Variants in RMC1 observed in about 807,000 individuals in gnomAD.
The protein encoded by RMC1 is regulator of MON1-CCZ1, also known as regulator of MON1-CCZ1 complex.
In RMC1, 44 loss-of-function variants were observed where a neutral mutation model predicts 95.5. The observed-to-expected ratio is 0.46, with a 90% CI of 0.36 to 0.59. The LOEUF (loss-of-function observed/expected upper bound fraction) is 0.59, where lower values mean the gene tolerates loss of function less well. Ranked by LOEUF, RMC1 falls within the 20% of genes least tolerant of loss-of-function variation. The pLI is 0.00. For synonymous variants in RMC1, 320 were observed against 303.6 expected (o/e 1.05, Z -0.56); for missense variants, 705 against 819.6 (o/e 0.86, Z 1.71).
intron 12 of RMC1, 102 bp from the exon 13 acceptor site, chr18:23,526,535 T>C (rs1877223057): frequency 7.0e-7 from 1 of 1,437,826 alleles, no homozygotes; most frequent in Non-Finnish European, 9.4e-7. Flanking sequence ...CGGCTTTTTA[T>C]CACCACCTGC....
chr18:23,514,389 C>G (rs769412810), intron 5 of RMC1, among the ~76,000 whole-genome samples: 1 of 152,056 alleles, frequency 6.6e-6, no homozygotes, highest in Non-Finnish European at 1.5e-5. Context: ...TCTACTGTCT[C>G]AAAATAAAAA....
At chr18:23,518,785 C>A in intron 7 of RMC1, 105 bp from the exon 8 acceptor site, 2 of 981,146 alleles carry the variant, frequency 2.0e-6, no homozygotes, top group Non-Finnish European at 3.1e-6. Context: ...CAGCAAAATA[C>A]TCCATTAAGT....
At chr18:23,525,782 T>G (rs1348717695) in intron 12 of RMC1, among the ~76,000 whole-genome samples, 1 of 152,128 alleles carries the variant, frequency 6.6e-6, no homozygotes, top group Non-Finnish European at 1.5e-5. Context: ...CTCTAATACC[T>G]CGCCAGGCTG....
In RMC1 at chr18:23,518,934, C is replaced by A. The variant is rs1454467220; in HGVS notation, c.698C>A (p.Thr233Asn). Reference sequence around the variant, plus strand: ...CTCTTCTTGAGGCATCATTCTCGGACCTCCAACAGCACAGGAGCGGAGGTG... The same window carrying A: ...CTCTTCTTGAGGCATCATTCTCGGAACTCCAACAGCACAGGAGCGGAGGTG... Reference protein sequence around the residue: ...YVLFLRHHSRTSNSTGAEVVL... With the variant: ...YVLFLRHHSRNSNSTGAEVVL... Residue 233 changes from threonine (T) to asparagine (N), a missense_variant, in exon 8 of 20, where the codon ACC becomes AAC. By Grantham distance (65) the Thr-to-Asn change is moderately conservative (BLOSUM62 0). Transcript: ENST00000269221. 4 of 1,614,044 alleles carry A rather than the reference C, an allele frequency of 2.5e-6. No individual in the cohort carries two copies. The highest frequency in any genetic ancestry group is 3.4e-6 in the Non-Finnish European group (4 of 1,180,032).
rs554554942 is a variant in RMC1, at chr18:23,503,891, A to G, written c.102+171A>G. 2.2e-4 allele frequency among the ~76,000 whole-genome samples: 33 copies of G among 151,848 alleles called. No individual in the cohort carries two copies. The East Asian group carries it at 6.3e-3, about 29-fold the overall frequency. Reference sequence around the variant, plus strand: ...TTGTTGGGTGGGCTCAGCCGCGGCCAGGTGTCCTCGCAGGTGACCTCGGGG... The same window carrying G: ...TTGTTGGGTGGGCTCAGCCGCGGCCGGGTGTCCTCGCAGGTGACCTCGGGG... On this transcript the variant is annotated intron_variant, in intron 1 of 19. Coordinates refer to ENST00000269221, the MANE Select transcript of RMC1 (RefSeq NM_013326.5).
chr18:23,503,688 A>T lies in RMC1; in HGVS notation c.70A>T (p.Asn24Tyr), dbSNP rs1416541436. 1.3e-6 allele frequency: 2 copies of T among 1,593,454 alleles called. No individual in the cohort carries two copies. Reference protein sequence around the residue: ...PVQFEKANPVNCVFFDEANKQ... With the variant: ...PVQFEKANPVYCVFFDEANKQ... Reference sequence around the variant, plus strand: ...GCAGTTCGAGAAGGCGAACCCTGTCAACTGCGTCTTCTTCGATGAGGCCAA... The same window carrying T: ...GCAGTTCGAGAAGGCGAACCCTGTCTACTGCGTCTTCTTCGATGAGGCCAA... The change falls in exon 1 of 20, where the codon AAC becomes TAC. Residue 24 changes from asparagine to tyrosine, a missense_variant. Coordinates refer to ENST00000269221, the MANE Select transcript of RMC1 (RefSeq NM_013326.5).
rs748349260 is a variant in RMC1, at chr18:23,509,182, A to T, written c.322-11A>T. 12 of 1,285,794 alleles carry T rather than the reference A, an allele frequency of 9.3e-6. No individual in the cohort carries two copies. Among genetic ancestry groups the T allele is most frequent in the South Asian group, 6.7e-5 (3 of 45,064 alleles). The allele number at this position is 1,285,794 out of a possible 1,614,324, so 79.6% of individuals were successfully genotyped here. A position where few individuals can be genotyped will look rare whatever the true frequency, so the allele number is the denominator to read the frequency against. Reference sequence around the variant, plus strand: ...TATTAATTAAAAATATTTTTAAAAAATTTTTCTTAGACTAAGAATGCCAAC... The same window carrying T: ...TATTAATTAAAAATATTTTTAAAAATTTTTTCTTAGACTAAGAATGCCAAC... On this transcript the variant is annotated splice_polypyrimidine_tract_variant and intron_variant, in intron 4 of 19. Coordinates refer to ENST00000269221, the MANE Select transcript of RMC1 (RefSeq NM_013326.5).
At chr18:23,505,392 C>T (rs1342470996) in intron 2 of RMC1, among the ~76,000 whole-genome samples, 1 of 152,068 alleles carries the variant, frequency 6.6e-6, no homozygotes, top group Admixed American at 6.5e-5. Flanking sequence ...GGATGGGGTT[C>T]GAGCATGGTG....
intron 5 of RMC1, 41 bp from the exon 6 acceptor site, chr18:23,515,815 G>T (rs773905725): frequency 6.2e-7 from 1 of 1,611,732 alleles, no homozygotes; most frequent in Non-Finnish European, 8.5e-7. Context: ...TTAGTTTGCC[G>T]TTTTTTAAAT....
rs757961695 is a variant in RMC1, at chr18:23,503,631, GACT to G, written c.18_20del (p.Tyr7del). On this transcript the variant is annotated inframe_deletion, in exon 1 of 20. Transcript: ENST00000269221. ...CGCGGCGCCCGCCATGGGCGAGGAG[GACT>G]ACTATCTGGAGCTGTGCGAGCGGCC... 2 of 1,569,562 alleles carry G rather than the reference GACT, an allele frequency of 1.3e-6. No homozygotes were observed. Among genetic ancestry groups the G allele is most frequent in the Non-Finnish European group, 1.7e-6 (2 of 1,159,144 alleles).
At chr18:23,523,031 A>G (rs1057510686) in intron 10 of RMC1, 1 of 152,270 alleles carries the variant, frequency 6.6e-6, no homozygotes, top group African/African-American at 2.4e-5. Flanking sequence ...GGGGGCCTTA[A>G]AAATGAAAGC....
intron 10 of RMC1, chr18:23,522,530 G>GT (rs2058170032): frequency 1.3e-5 from 2 of 152,212 alleles, no homozygotes; most frequent in Non-Finnish European, 2.9e-5. Flanking sequence ...TGTATTTTAT[G>GT]TGTGGCCCAA....
rs549122631 is a variant in RMC1 at position 23,504,229 on chromosome 18, A to G, written c.103-142A>G. On this transcript the variant is annotated intron_variant, in intron 1 of 19. Coordinates refer to ENST00000269221, the MANE Select transcript of RMC1 (RefSeq NM_013326.5). ...TTTTTAAAATTCACCTGAGCAGCCA[A>G]ACATCTGTACCTTGATATGTGCCGT... 64 of 671,354 alleles carry G rather than the reference A, an allele frequency of 9.5e-5. No individual in the cohort carries two copies. The South Asian group carries it at 1.2e-3, about 12-fold the overall frequency. 41.6% of individuals were successfully genotyped at this position (671,354 alleles called of 1,614,324 possible).
At position 23,530,431 on chromosome 18, in the gene RMC1, C is replaced by T. The variant is rs552542656; in HGVS notation, c.1713C>T (p.Ser571=). 3 of 1,614,256 alleles carry T rather than the reference C, an allele frequency of 1.9e-6. No homozygotes were observed. In the Admixed American group the frequency reaches 5.0e-5, roughly 27 times the overall value. Residue 571 remains serine, a synonymous_variant, in exon 19 of 20, where the codon TCC becomes TCT. Coordinates refer to ENST00000269221, the MANE Select transcript of RMC1 (RefSeq NM_013326.5). ...ANDEIVEVLL[S]KHQVLAALRF... Reference sequence around the variant, plus strand: ...ATGAAATAGTAGAAGTTCTCCTTTCCAAACACCAAGTGTTAGCTGCCTTAA... The same window carrying T: ...ATGAAATAGTAGAAGTTCTCCTTTCTAAACACCAAGTGTTAGCTGCCTTAA...
In RMC1 at chr18:23,518,882, CT is replaced by C. The variant is rs765973552; in HGVS notation, c.654-7del. ...GATGTGATTTATGTCTGTTTGTTCC[CT>C]AATTAGATACGGGCAGCTGTATGTT... is the stretch of plus-strand genomic sequence containing the variant. On this transcript the variant is annotated splice_region_variant and splice_polypyrimidine_tract_variant and intron_variant, in intron 7 of 19. Coordinates refer to ENST00000269221, the MANE Select transcript of RMC1 (RefSeq NM_013326.5). 1 of 1,613,604 alleles carries C rather than the reference CT, an allele frequency of 6.2e-7. No individual in the cohort carries two copies. The highest frequency in any genetic ancestry group is 2.2e-5 in the East Asian group (1 of 44,880).
At chr18:23,529,854 G>C in intron 16 of RMC1, 142 bp downstream of exon 16, 2 of 1,052,062 alleles carry the variant, frequency 1.9e-6, no homozygotes, top group Admixed American at 4.1e-5. Context: ...GACATTATTA[G>C]TTGGAATGGG....
At position 23,508,307 on chromosome 18, in the gene RMC1, G is replaced by A. The variant is rs549137423; in HGVS notation, c.321+266G>A. Among the ~76,000 whole-genome samples the A allele has an allele frequency of 7.9e-5, 12 of 152,272 alleles. No individual in the cohort carries two copies. The South Asian group carries it at 2.1e-3, about 26-fold the overall frequency. ...AGTAGTGCTAGCCCTTGGGGCTGTCGTCTGTCTTGCCCTTTTTCTCCTCAC... is the reference window on the plus strand; with the variant it reads ...AGTAGTGCTAGCCCTTGGGGCTGTCATCTGTCTTGCCCTTTTTCTCCTCAC... On this transcript the variant is annotated intron_variant, in intron 4 of 19. Coordinates refer to ENST00000269221, the MANE Select transcript of RMC1 (RefSeq NM_013326.5).
At chr18:23,518,751 T>G in intron 7 of RMC1, 139 bp from the exon 8 acceptor site, 1 of 676,210 alleles carries the variant, frequency 1.5e-6, no homozygotes, top group South Asian at 1.9e-5. Context: ...AGTAACTGCA[T>G]GTTTCTTTGT....
chr18:23,509,472 C>T (rs1274565060), intron 5 of RMC1, 193 bp downstream of exon 5: 2 of 272,832 alleles, frequency 7.3e-6, no homozygotes, highest in East Asian at 1.4e-4. Flanking sequence ...TGGGCTCAAG[C>T]AATCCTCCTG....
Sources: allele counts gnomAD v4.1 joint callset (sites outside exome capture counted in the v4.1 genomes callset), GRCh38; gene constraint gnomAD v4.1.1; transcripts MANE v1.5; gene names NCBI Gene and HGNC (gene_info 2026-07-23, HGNC 2026-07-21).